FOCAD: variants seen among roughly 807,000 people sequenced by gnomAD.
FOCAD encodes the protein KIAA1797.
A neutral mutation model predicts 225.6 loss-of-function variants in FOCAD; 198 were observed. The ratio of observed to expected loss-of-function variants is 0.88; its 90% confidence interval spans 0.78 to 0.99. The LOEUF (loss-of-function observed/expected upper bound fraction) is 0.99. FOCAD is among the 50% of genes least tolerant of loss of function. The probability of loss-of-function intolerance (pLI) is 0.00; values close to 1 mark genes in which losing one functional copy is unlikely to be tolerated. For missense variants in FOCAD, 2,713 were observed against 2,123.6 expected, an observed-to-expected ratio of 1.28 and a Z score of -5.46; for synonymous variants, 897 against 755.0, an observed-to-expected ratio of 1.19 and a Z score of -3.08.
chr9:20,795,350 T>C (rs1820941105), intron 11 of FOCAD, among the ~76,000 whole-genome samples: 1 of 152,240 alleles, frequency 6.6e-6, no homozygotes, highest in Non-Finnish European at 1.5e-5. Flanking sequence ...CCACAATTAC[T>C]GTGAATGAAT....
intron 35 of FOCAD, among the ~76,000 whole-genome samples, chr9:20,957,087 A>G (rs569091537): frequency 9.8e-5 from 15 of 152,288 alleles, no homozygotes; most frequent in Middle Eastern, 3.4e-3. Context: ...TTTTGAGACA[A>G]GGTCTCGGCT....
chr9:20,877,139 G>A (rs1261757458), intron 19 of FOCAD, among the ~76,000 whole-genome samples: 1 of 55,644 alleles, frequency 1.8e-5, no homozygotes, highest in African/African-American at 8.0e-5. Flanking sequence ...ACTATAGACC[G>A]ATGTGAATTT....
At chr9:20,759,592 C>A (rs1383814875) in intron 6 of FOCAD, among the ~76,000 whole-genome samples, 1 of 152,078 alleles carries the variant, frequency 6.6e-6, no homozygotes, top group Non-Finnish European at 1.5e-5. Flanking sequence ...CATGTTAGAC[C>A]TAAAACCATA....
At chr9:20,845,665 A>G (rs1827030793) in intron 15 of FOCAD, among the ~76,000 whole-genome samples, 1 of 151,888 alleles carries the variant, frequency 6.6e-6, no homozygotes, top group South Asian at 2.1e-4. Flanking sequence ...CGGTCCAAGG[A>G]TGTATAATTA....
rs577855262 is a variant in FOCAD, at chr9:20,836,295, A to C, written c.1920+13180A>C. 3.3e-5 allele frequency among the ~76,000 whole-genome samples: 5 copies of C among 152,096 alleles called. No individual in the cohort carries two copies. In the South Asian group the frequency reaches 1.0e-3, roughly 31 times the overall value. On this transcript the variant is annotated intron_variant, in intron 15 of 43. Transcript: ENST00000338382. Reference sequence around the variant, plus strand: ...CCATTGTCTGATGGCAGGTTTTCTCAGCTGTGTACAGTAAGGCTTCTGTCG... The same window carrying C: ...CCATTGTCTGATGGCAGGTTTTCTCCGCTGTGTACAGTAAGGCTTCTGTCG...
intron 11 of FOCAD, among the ~76,000 whole-genome samples, chr9:20,798,438 G>T (rs1446188062): frequency 2.6e-5 from 4 of 152,218 alleles, no homozygotes; most frequent in Admixed American, 6.5e-5. Flanking sequence ...GCTCCTCCTT[G>T]TACCTCTGGT....
At chr9:20,833,529 C>A (rs899558673) in intron 15 of FOCAD, among the ~76,000 whole-genome samples, 1 of 152,176 alleles carries the variant, frequency 6.6e-6, no homozygotes, top group South Asian at 2.1e-4. Flanking sequence ...CACATGGCAG[C>A]GACCACTTGG....
intron 28 of FOCAD, among the ~76,000 whole-genome samples, chr9:20,940,391 A>G (rs1836527267): frequency 6.6e-6 from 1 of 151,652 alleles, no homozygotes; most frequent in Non-Finnish European, 1.5e-5. Context: ...GGCTCAAGCA[A>G]TCCTCCTGCC....
chr9:20,713,800 A>T (rs549070087), intron 1 of FOCAD, among the ~76,000 whole-genome samples: 1 of 152,304 alleles, frequency 6.6e-6, no homozygotes, highest in Admixed American at 6.5e-5. Context: ...TTTCCCAGGG[A>T]CACACTTTAG....
chr9:20,950,565 T>C (rs1483599164), intron 33 of FOCAD, among the ~76,000 whole-genome samples: 1 of 152,212 alleles, frequency 6.6e-6, no homozygotes, highest in African/African-American at 2.4e-5. Flanking sequence ...AAAATCCTTA[T>C]GAATGATAAA....
At chr9:20,908,780 T>C (rs1453529879) in intron 22 of FOCAD, among the ~76,000 whole-genome samples, 1 of 152,114 alleles carries the variant, frequency 6.6e-6, no homozygotes, top group African/African-American at 2.4e-5. Context: ...AGTCAGAGTA[T>C]GTACTTTTTC....
intron 27 of FOCAD, among the ~76,000 whole-genome samples, chr9:20,932,405 G>A (rs578234220): frequency 6.6e-6 from 1 of 152,230 alleles, no homozygotes; most frequent in African/African-American, 2.4e-5. Flanking sequence ...TCTGCCTGGA[G>A]GGACAACCAT....
intron 3 of FOCAD, among the ~76,000 whole-genome samples, chr9:20,719,258 T>G (rs1018076059): frequency 2.0e-5 from 3 of 152,100 alleles, no homozygotes; most frequent in African/African-American, 7.2e-5. Flanking sequence ...GTTTTTTGTA[T>G]TTTTAGTAGA....
At chr9:20,832,559 C>G (rs1399354534) in intron 15 of FOCAD, among the ~76,000 whole-genome samples, 1 of 152,038 alleles carries the variant, frequency 6.6e-6, no homozygotes, top group Non-Finnish European at 1.5e-5. Flanking sequence ...TCTAATTACA[C>G]TCTTTAAGTT....
chr9:20,964,206 A>G (rs1182780039), intron 35 of FOCAD, among the ~76,000 whole-genome samples: 1 of 151,978 alleles, frequency 6.6e-6, no homozygotes, highest in Non-Finnish European at 1.5e-5. Context: ...TCTATACAGA[A>G]AATACAAAAA....
intron 2 of FOCAD, among the ~76,000 whole-genome samples, chr9:20,671,655 A>G (rs1031892941): frequency 2.6e-5 from 4 of 152,226 alleles, no homozygotes; most frequent in African/African-American, 7.2e-5. Flanking sequence ...GCAGAGAGAA[A>G]AGAGAAAATG....
chr9:20,977,620 T>C (rs893458743), intron 36 of FOCAD, among the ~76,000 whole-genome samples: 8 of 152,268 alleles, frequency 5.3e-5, no homozygotes, highest in Non-Finnish European at 1.2e-4. Context: ...CTATCATTTA[T>C]AGTAGAGTGC....
chr9:20,713,645 T>G (rs1292911937), intron 1 of FOCAD, among the ~76,000 whole-genome samples: 2 of 152,270 alleles, frequency 1.3e-5, no homozygotes, highest in African/African-American at 4.8e-5. Flanking sequence ...TTTTGTTCAC[T>G]GATATAACTC....
intron 28 of FOCAD, among the ~76,000 whole-genome samples, chr9:20,939,149 T>TGAAAAAAAAAA (rs1836357888): frequency 7.7e-5 from 1 of 12,942 alleles, no homozygotes; most frequent in Non-Finnish European, 2.2e-4. Flanking sequence ...GACTCTCTTC[T>TGAAAAAAAAAA]CAAAAAAAAA....
Sources: gnomAD v4.1 joint callset for allele counts (sites outside exome capture counted in the v4.1 genomes callset) on GRCh38, gnomAD v4.1.1 for gene constraint, MANE v1.5 for transcripts, NCBI Gene and HGNC (gene_info 2026-07-23, HGNC 2026-07-21) for gene names.